Variants in KIAA2012 observed in about 807,000 individuals in gnomAD.
KIAA2012 encodes KIAA2012, also known as uncharacterized protein KIAA2012.
Under a neutral mutation model 150.6 loss-of-function variants are expected in KIAA2012, and 125 were observed. The observed-to-expected ratio is 0.83, with a 90% CI of 0.72 to 0.96. KIAA2012 has a LOEUF of 0.96. Ranked by LOEUF, KIAA2012 falls within the 40% of genes least tolerant of loss-of-function variation. The pLI, the probability that KIAA2012 is intolerant of heterozygous loss-of-function variation, is 0.00. For synonymous variants in KIAA2012, 462 were observed against 504.7 expected, an observed-to-expected ratio of 0.92 and a Z score of 1.13; for missense variants, 1,219 against 1,354.9, an observed-to-expected ratio of 0.90 and a Z score of 1.57.
At chr2:202,141,021 C>T (rs1187234683) in intron 13 of KIAA2012, among the ~76,000 whole-genome samples, 1 of 152,184 alleles carries the variant, frequency 6.6e-6, no homozygotes, top group Admixed American at 6.5e-5. Context: ...AATGAGAAGT[C>T]GCAGACCTAG....
In KIAA2012 at chr2:202,133,109, A is replaced by AAT. The variant is rs1553556980; in HGVS notation, c.1832-5302_1832-5301dup. Among the ~76,000 whole-genome samples, 140 of 87,876 alleles carry AAT rather than the reference A, an allele frequency of 1.6e-3. 6 individuals are homozygous for AAT. The highest frequency in any genetic ancestry group is 6.1e-3 in the East Asian group (22 of 3,580). The allele number at this position is 87,876 out of a possible 152,430, so 57.7% of individuals were successfully genotyped here. A position where few individuals can be genotyped will look rare whatever the true frequency, so the allele number is the denominator to read the frequency against. ...GACAGTGTGAGACTGTCTAAAAAAA[A>AAT]ATATATATATATATATATATATTTT... On this transcript the variant is annotated intron_variant, in intron 12 of 23. Coordinates refer to ENST00000498697, the MANE Select transcript of KIAA2012 (RefSeq NM_001277372.4).
At chr2:202,184,401 G>A (rs978895055) in intron 15 of KIAA2012, among the ~76,000 whole-genome samples, 1 of 146,036 alleles carries the variant, frequency 6.8e-6, no homozygotes, top group Non-Finnish European at 1.5e-5. Flanking sequence ...AAAAAAAAAA[G>A]TAATGTAATA....
intron 9 of KIAA2012, 159 bp downstream of exon 9, chr2:202,106,069 T>G: frequency 1.3e-6 from 2 of 1,521,668 alleles, no homozygotes; most frequent in Non-Finnish European, 1.8e-6. Flanking sequence ...AGCAGCTGCC[T>G]TCACCAAAGT....
In KIAA2012 at chr2:202,073,302, T is replaced by C. The variant is rs1190142549; in HGVS notation, c.-326T>C. 1.2e-5 allele frequency: 3 copies of C among 253,032 alleles called. No individual in the cohort carries two copies. The highest frequency in any genetic ancestry group is 2.3e-5 in the Non-Finnish European group (3 of 130,156). The allele number at this position is 253,032 out of a possible 1,614,324, so 15.7% of individuals were successfully genotyped here. On this transcript the variant is annotated 5_prime_UTR_variant, in exon 1 of 24. Coordinates refer to ENST00000498697, the MANE Select transcript of KIAA2012 (RefSeq NM_001277372.4). Reference sequence around the variant, plus strand: ...GCCGAGATCTGTAGATGCACACGGCTGGTAACAGAGCAACCGGGACCAAGG... The same window carrying C: ...GCCGAGATCTGTAGATGCACACGGCCGGTAACAGAGCAACCGGGACCAAGG...
intron 13 of KIAA2012, among the ~76,000 whole-genome samples, chr2:202,152,105 T>G (rs1691440438): frequency 6.6e-6 from 1 of 152,136 alleles, no homozygotes; most frequent in South Asian, 2.1e-4. Context: ...TTTCTGACTT[T>G]TTCTTCTCCC....
chr2:202,084,990 G>A (rs889500858), intron 2 of KIAA2012, among the ~76,000 whole-genome samples: 1 of 152,076 alleles, frequency 6.6e-6, no homozygotes, highest in African/African-American at 2.4e-5. Flanking sequence ...TACTATACAT[G>A]CTTTCTTATA....
At chr2:202,125,537 G>C (rs1055477182) in intron 12 of KIAA2012, among the ~76,000 whole-genome samples, 4 of 152,188 alleles carry the variant, frequency 2.6e-5, no homozygotes, top group Non-Finnish European at 5.9e-5. Context: ...GGGCTTAGCT[G>C]GCCTGGGGAA....
chr2:202,195,362 A>T (rs948323311), intron 21 of KIAA2012, among the ~76,000 whole-genome samples: 1 of 151,850 alleles, frequency 6.6e-6, no homozygotes, highest in Non-Finnish European at 1.5e-5. Context: ...TACTAAAAAT[A>T]CAAAAATTAG....
intron 13 of KIAA2012, among the ~76,000 whole-genome samples, chr2:202,150,353 G>A (rs945893660): frequency 2.0e-5 from 3 of 152,116 alleles, no homozygotes; most frequent in Non-Finnish European, 4.4e-5. Context: ...GTGAAGGGAT[G>A]GGTTCTGTTT....
chr2:202,201,457 C>A, intron 22 of KIAA2012: 1 of 1,594,450 alleles, frequency 6.3e-7, no homozygotes, highest in East Asian at 2.2e-5. Flanking sequence ...ACATTGGCTG[C>A]CTGCATGACT....
At chr2:202,180,139 T>C (rs1692089131) in intron 15 of KIAA2012, among the ~76,000 whole-genome samples, 1 of 151,970 alleles carries the variant, frequency 6.6e-6, no homozygotes, top group Non-Finnish European at 1.5e-5. Flanking sequence ...GGCATGGTGG[T>C]GCATGCCTAT....
intron 13 of KIAA2012, among the ~76,000 whole-genome samples, chr2:202,150,036 T>C (rs1247463199): frequency 6.6e-6 from 1 of 152,236 alleles, no homozygotes; most frequent in Non-Finnish European, 1.5e-5. Flanking sequence ...CCAATAGCTC[T>C]CCCTTTTTTC....
intron 15 of KIAA2012, among the ~76,000 whole-genome samples, chr2:202,175,450 A>C (rs969776359): frequency 6.6e-6 from 1 of 152,254 alleles, no homozygotes; most frequent in Non-Finnish European, 1.5e-5. Context: ...CTGAAACCTC[A>C]TCACCAATGT....
In KIAA2012 at chr2:202,098,639, A is replaced by G. The variant is rs925745000; in HGVS notation, c.829-974A>G. 2.0e-5 allele frequency among the ~76,000 whole-genome samples: 3 copies of G among 152,182 alleles called. No homozygotes were observed. The South Asian group carries it at 6.2e-4, about 32-fold the overall frequency. Reference sequence around the variant, plus strand: ...GCCTTGTTTTGGGTCCTGCTTTTTGATAGTTGTGATGAGCCTGTCCAAGAA... The same window carrying G: ...GCCTTGTTTTGGGTCCTGCTTTTTGGTAGTTGTGATGAGCCTGTCCAAGAA... On this transcript the variant is annotated intron_variant, in intron 5 of 23. Transcript: ENST00000498697.
chr2:202,183,450 T>G (rs1376278514), intron 15 of KIAA2012, among the ~76,000 whole-genome samples: 4 of 135,710 alleles, frequency 2.9e-5, no homozygotes, highest in Non-Finnish European at 6.2e-5. Flanking sequence ...ATTTGTTTTT[T>G]GGGGGGTTTT....
At chr2:202,132,804 T>A (rs113412908) in intron 12 of KIAA2012, among the ~76,000 whole-genome samples, 1,719 of 100,286 alleles carry the variant, frequency 0.017, 84 homozygotes, top group African/African-American at 0.046. Context: ...ATATATATAT[T>A]TTTTTTTTCA....
chr2:202,165,047 C>T (rs778242088), intron 14 of KIAA2012, among the ~76,000 whole-genome samples: 6 of 151,984 alleles, frequency 3.9e-5, no homozygotes, highest in Non-Finnish European at 7.4e-5. Flanking sequence ...CTCAGCCTCC[C>T]AAATAGCTGA....
intron 2 of KIAA2012, among the ~76,000 whole-genome samples, chr2:202,089,606 TG>T (rs1353252781): frequency 6.6e-6 from 1 of 152,180 alleles, no homozygotes; most frequent in African/African-American, 2.4e-5. Context: ...GGGGACTAAG[TG>T]GGTTTCATTT....
intron 2 of KIAA2012, among the ~76,000 whole-genome samples, chr2:202,076,053 T>G (rs1297960555): frequency 6.6e-6 from 1 of 152,174 alleles, no homozygotes; most frequent in Admixed American, 6.5e-5. Flanking sequence ...GACTCTCCAT[T>G]TTTGCACACA....
Sources: gnomAD v4.1 joint callset for allele counts (sites outside exome capture counted in the v4.1 genomes callset) on GRCh38, gnomAD v4.1.1 for gene constraint, MANE v1.5 for transcripts, NCBI Gene and HGNC (gene_info 2026-07-23, HGNC 2026-07-21) for gene names.